Variants in CSMD1 observed in about 807,000 individuals in gnomAD.
CSMD1 encodes CUB and sushi domain-containing protein 1.
Under a neutral mutation model 417.5 loss-of-function variants are expected in CSMD1, and 213 were observed. That is an observed-to-expected ratio of 0.51 (90% CI 0.46 to 0.57). CSMD1 has a LOEUF of 0.57. CSMD1 is among the 20% of genes least tolerant of loss of function. The pLI, the probability that CSMD1 is intolerant of heterozygous loss-of-function variation, is 0.00. For synonymous variants in CSMD1, 2,862 were observed against 1,736.8 expected, an observed-to-expected ratio of 1.65 and a Z score of -16.11; for missense variants, 6,923 against 4,529.7, an observed-to-expected ratio of 1.53 and a Z score of -15.17.
At chr8:3,451,807 T>C (rs1451393100) in intron 12 of CSMD1, among the ~76,000 whole-genome samples, 1 of 152,200 alleles carries the variant, frequency 6.6e-6, no homozygotes, top group Non-Finnish European at 1.5e-5. Flanking sequence ...GGGCTCTTTT[T>C]TGGTTCCATA....
chr8:4,611,968 G>T (rs74431423), intron 2 of CSMD1, among the ~76,000 whole-genome samples: 1 of 152,020 alleles, frequency 6.6e-6, no homozygotes, highest in Non-Finnish European at 1.5e-5. Flanking sequence ...TAATTTGTGT[G>T]TTTTTTTCCT....
At chr8:3,945,974 T>A (rs1014802579) in intron 5 of CSMD1, among the ~76,000 whole-genome samples, 1 of 152,176 alleles carries the variant, frequency 6.6e-6, no homozygotes, top group Non-Finnish European at 1.5e-5. Flanking sequence ...TGAAAGGTTA[T>A]GTTCCAGACC....
chr8:4,044,903 C>G (rs951637388), intron 3 of CSMD1, among the ~76,000 whole-genome samples: 3 of 151,018 alleles, frequency 2.0e-5, no homozygotes, highest in Non-Finnish European at 3.0e-5. Context: ...ACTGACTTCT[C>G]CCACAAAAAG....
chr8:3,579,900 T>A (rs879625615), intron 9 of CSMD1, among the ~76,000 whole-genome samples: 16 of 152,130 alleles, frequency 1.1e-4, no homozygotes, highest in Non-Finnish European at 2.1e-4. Context: ...GGTCAGGAGT[T>A]TGAGACCAGC....
At chr8:3,273,893 A>G (rs1802068361) in intron 26 of CSMD1, among the ~76,000 whole-genome samples, 1 of 151,662 alleles carries the variant, frequency 6.6e-6, no homozygotes, top group South Asian at 2.1e-4. Context: ...TGGATTCGTT[A>G]ATTTTTTGAA....
At chr8:4,743,805 C>A (rs1399919582) in intron 1 of CSMD1, among the ~76,000 whole-genome samples, 1 of 152,188 alleles carries the variant, frequency 6.6e-6, no homozygotes, top group Non-Finnish European at 1.5e-5. Context: ...CCCTCAGGTG[C>A]TATGAAAACC....
chr8:4,950,162 G>A (rs971197467), intron 1 of CSMD1, among the ~76,000 whole-genome samples: 1 of 152,068 alleles, frequency 6.6e-6, no homozygotes, highest in Non-Finnish European at 1.5e-5. Flanking sequence ...GCACACTTTT[G>A]TATATGATTG....
In CSMD1 at chr8:3,994,912, T is replaced by G. The variant is rs149650724; in HGVS notation, c.818+2991A>C. Reference sequence around the variant, plus strand: ...ATGCCCTTTTTTAAAAATAGATTATTGGAAGATCATATGTGTATCTGCCCT... The same window carrying G: ...ATGCCCTTTTTTAAAAATAGATTATGGGAAGATCATATGTGTATCTGCCCT... On this transcript the variant is annotated intron_variant, in intron 5 of 69. Transcript: ENST00000635120. Among the ~76,000 whole-genome samples the G allele has an allele frequency of 2.7e-3, 417 of 152,274 alleles. 3 individuals are homozygous for G. Among genetic ancestry groups the G allele is most frequent in the Non-Finnish European group, 4.8e-3 (328 of 68,020 alleles).
In CSMD1 at chr8:3,534,755, G is replaced by A. The variant is rs556200612; in HGVS notation, c.1344+40190C>T. Reference sequence around the variant, plus strand: ...GCATAAGCATCCAGGTTGAGCATATGGCATCTTAAAGCTAAGATTACTTTA... The same window carrying A: ...GCATAAGCATCCAGGTTGAGCATATAGCATCTTAAAGCTAAGATTACTTTA... On this transcript the variant is annotated intron_variant, in intron 10 of 69. Coordinates refer to ENST00000635120, the MANE Select transcript of CSMD1 (RefSeq NM_033225.6). Among the ~76,000 whole-genome samples the A allele has an allele frequency of 8.5e-5, 13 of 152,148 alleles. No homozygotes were observed. In the East Asian group the frequency reaches 2.3e-3, roughly 27 times the overall value.
chr8:4,700,491 T>C (rs930411195), intron 1 of CSMD1, among the ~76,000 whole-genome samples: 1 of 152,122 alleles, frequency 6.6e-6, no homozygotes, highest in Non-Finnish European at 1.5e-5. Context: ...TTTAAAACTA[T>C]AAAACTATGC....
At chr8:3,873,801 G>A (rs1274674620) in intron 5 of CSMD1, among the ~76,000 whole-genome samples, 3 of 152,184 alleles carry the variant, frequency 2.0e-5, no homozygotes, top group Non-Finnish European at 4.4e-5. Context: ...TAGACTGGGA[G>A]AAAGAAAAGC....
chr8:4,193,936 G>C (rs1363265477), intron 3 of CSMD1, among the ~76,000 whole-genome samples: 5 of 151,868 alleles, frequency 3.3e-5, no homozygotes, highest in Non-Finnish European at 7.4e-5. Context: ...TTAATGGTGG[G>C]AGGTGGGGCT....
chr8:4,795,252 CTTTTTTTTTTTTTTTTTTTTT>C (rs571984359), intron 1 of CSMD1, among the ~76,000 whole-genome samples: 861 of 46,270 alleles, frequency 0.019, 27 homozygotes, highest in South Asian at 0.036. Flanking sequence ...GGTGTCATAG[CTTTTTTTTTTTTTTTTTTTTT>C]TTTTTTTTTT....
chr8:3,848,402 T>A (rs1032280134), intron 5 of CSMD1, among the ~76,000 whole-genome samples: 1 of 152,232 alleles, frequency 6.6e-6, no homozygotes, highest in Non-Finnish European at 1.5e-5. Context: ...TAGGCATAGT[T>A]GGTGTTTTTT....
chr8:4,760,668 T>C (rs6981893), intron 1 of CSMD1, among the ~76,000 whole-genome samples: 13,425 of 152,274 alleles, frequency 0.088, 668 homozygotes, highest in Middle Eastern at 0.12. Context: ...TAACATTTTG[T>C]CTATTTCCTT....
At chr8:4,032,564 A>C (rs1316593494) in intron 3 of CSMD1, among the ~76,000 whole-genome samples, 1 of 152,198 alleles carries the variant, frequency 6.6e-6, no homozygotes, top group African/African-American at 2.4e-5. Context: ...TGTCTGTTAC[A>C]CATCATTACC....
intron 1 of CSMD1, among the ~76,000 whole-genome samples, chr8:4,658,644 G>T (rs1214653842): frequency 6.6e-6 from 1 of 152,018 alleles, no homozygotes; most frequent in Non-Finnish European, 1.5e-5. Flanking sequence ...AAAGACTTCG[G>T]AAAGTAAAGC....
At chr8:4,236,343 C>T (rs1802060805) in intron 3 of CSMD1, among the ~76,000 whole-genome samples, 1 of 152,078 alleles carries the variant, frequency 6.6e-6, no homozygotes, top group Non-Finnish European at 1.5e-5. Flanking sequence ...GCATGAGTCA[C>T]ACAAACCAAG....
At chr8:3,579,610 T>C (rs1459636741) in intron 9 of CSMD1, among the ~76,000 whole-genome samples, 1 of 152,138 alleles carries the variant, frequency 6.6e-6, no homozygotes, top group African/African-American at 2.4e-5. Flanking sequence ...ATGAAGATAA[T>C]ATATCACAGA....
Sources: gnomAD v4.1 joint callset for allele counts (sites outside exome capture counted in the v4.1 genomes callset) on GRCh38, gnomAD v4.1.1 for gene constraint, MANE v1.5 for transcripts, NCBI Gene and HGNC (gene_info 2026-07-23, HGNC 2026-07-21) for gene names.